Variants in CARF observed in about 807,000 individuals in gnomAD.
CARF encodes calcium-responsive transcription factor.
A neutral mutation model predicts 82.0 loss-of-function variants in CARF; 57 were observed. The observed-to-expected ratio is 0.70, with a 90% CI of 0.56 to 0.87. CARF has a LOEUF of 0.87. CARF is among the 40% of genes least tolerant of loss of function. The pLI is 0.00. For synonymous variants in CARF, 268 were observed against 290.1 expected (o/e 0.92, Z 0.77); for missense variants, 771 against 855.8 (o/e 0.90, Z 1.24).
chr2:202,976,974 C>T (rs1018643595), intron 13 of CARF, among the ~76,000 whole-genome samples: 1 of 152,150 alleles, frequency 6.6e-6, no homozygotes, highest in Non-Finnish European at 1.5e-5. Context: ...CTTCCCAAGC[C>T]TTACGGGCAT....
At chr2:202,976,911 T>C (rs1268203169) in intron 13 of CARF, among the ~76,000 whole-genome samples, 1 of 152,090 alleles carries the variant, frequency 6.6e-6, no homozygotes, top group Admixed American at 6.5e-5. Context: ...AGTCTCACTT[T>C]GTTGCCCAGG....
chr2:202,961,338 T>C lies in CARF; in HGVS notation c.744T>C (p.Arg248=). Residue 248 remains arginine, a synonymous_variant, in exon 9 of 17, where the codon CGT becomes CGC. Coordinates refer to ENST00000438828, the MANE Select transcript of CARF (RefSeq NM_024744.17). ...KQQTQSVWGT[R]QSPSPAKPAT... ...AAACACAGAGTGTTTGGGGGACCCG[T>C]CAGTCTCCAAGCCCAGCCAAGCCTG... 6.2e-7 allele frequency: 1 copy of C among 1,614,184 alleles called. No individual in the cohort carries two copies. Among genetic ancestry groups the C allele is most frequent in the Non-Finnish European group, 8.5e-7 (1 of 1,180,020 alleles).
intron 5 of CARF, among the ~76,000 whole-genome samples, chr2:202,943,587 T>TACACACACACACACACAC (rs754214990): frequency 2.4e-3 from 271 of 115,162 alleles, no homozygotes; most frequent in African/African-American, 4.5e-3. Context: ...TAATGGAATG[T>TACACACACACACACACAC]ACACACACAC....
chr2:202,959,915 ACCTTT>A (rs775092963), intron 8 of CARF, among the ~76,000 whole-genome samples: 29 of 152,208 alleles, frequency 1.9e-4, no homozygotes, highest in Non-Finnish European at 3.1e-4. Flanking sequence ...ATTTATTTAC[ACCTTT>A]CCTTGTTTTA....
intron 9 of CARF, among the ~76,000 whole-genome samples, chr2:202,966,450 C>T (rs2059552767): frequency 6.6e-6 from 1 of 152,160 alleles, no homozygotes. Flanking sequence ...GTGGCTCATG[C>T]CTCTAAATCA....
Position 202,971,755 on chromosome 2 carries a change from T to C in CARF, c.1331+17T>C. The C allele has an allele frequency of 6.4e-7, 1 of 1,574,610 alleles. No homozygotes were observed. Reference sequence around the variant, plus strand: ...ACAGCTAAGGTACAATAGAAGAGCATTGTTCTTTTACATTTTTCAGTTTTG... The same window carrying C: ...ACAGCTAAGGTACAATAGAAGAGCACTGTTCTTTTACATTTTTCAGTTTTG... On this transcript the variant is annotated intron_variant, in intron 12 of 16. Transcript: ENST00000438828.
intron 3 of CARF, among the ~76,000 whole-genome samples, chr2:202,937,636 T>C (rs563347612): frequency 6.6e-6 from 1 of 152,112 alleles, no homozygotes; most frequent in East Asian, 1.9e-4. Context: ...TATTTATTAT[T>C]TTTTTGAGAC....
intron 8 of CARF, among the ~76,000 whole-genome samples, chr2:202,960,711 C>T (rs1015036067): frequency 6.4e-5 from 8 of 124,510 alleles, no homozygotes; most frequent in African/African-American, 2.2e-4. Flanking sequence ...CCCACCTTCC[C>T]GCCTTCCCGC....
chr2:202,968,834 T>C (rs1312050645), intron 10 of CARF, among the ~76,000 whole-genome samples: 1 of 152,166 alleles, frequency 6.6e-6, no homozygotes, highest in Admixed American at 6.5e-5. Context: ...GTGTGAAATA[T>C]ATGATTTAAC....
In CARF at chr2:202,952,449, T is replaced by C. The variant is rs956867618; in HGVS notation, c.307-110T>C. 9.7e-6 allele frequency: 10 copies of C among 1,025,832 alleles called. No individual in the cohort carries two copies. In the African/African-American group the frequency reaches 1.5e-4, roughly 15 times the overall value. The allele number at this position is 1,025,832 out of a possible 1,614,324, so 63.5% of individuals were successfully genotyped here. A position where few individuals can be genotyped will look rare whatever the true frequency, so the allele number is the denominator to read the frequency against. On this transcript the variant is annotated intron_variant, in intron 5 of 16. Transcript: ENST00000438828. ...TTCATCTATAAAATGGGGGAAATCATAGAATCCATCATAGAGCTAGGTATG... is the reference window on the plus strand; with the variant it reads ...TTCATCTATAAAATGGGGGAAATCACAGAATCCATCATAGAGCTAGGTATG...
chr2:202,937,976 A>T (rs1694222029), intron 3 of CARF, among the ~76,000 whole-genome samples: 1 of 151,918 alleles, frequency 6.6e-6, no homozygotes. Context: ...GTAGATATTT[A>T]TGGGGTACAT....
At chr2:202,968,882 C>A (rs1279570760) in intron 10 of CARF, among the ~76,000 whole-genome samples, 4 of 152,122 alleles carry the variant, frequency 2.6e-5, no homozygotes, top group Non-Finnish European at 5.9e-5. Flanking sequence ...TATATCCATA[C>A]AAATTCATGG....
chr2:202,915,226 G>A (rs1347623896), intron 1 of CARF, among the ~76,000 whole-genome samples: 2 of 151,588 alleles, frequency 1.3e-5, no homozygotes, highest in South Asian at 2.1e-4. Context: ...CATGTTGGCC[G>A]GGATGGTCTC....
intron 5 of CARF, among the ~76,000 whole-genome samples, chr2:202,949,265 C>T (rs1359928652): frequency 6.6e-6 from 1 of 150,450 alleles, no homozygotes; most frequent in African/African-American, 2.4e-5. Context: ...ACCCAGGAGG[C>T]AGAGGTTGTG....
At chr2:202,965,766 C>T (rs1360327363) in intron 9 of CARF, among the ~76,000 whole-genome samples, 1 of 151,972 alleles carries the variant, frequency 6.6e-6, no homozygotes, top group Non-Finnish European at 1.5e-5. Flanking sequence ...TTTGTTGTAT[C>T]CTACAGTAGT....
chr2:202,937,168 C>T (rs998382358), intron 3 of CARF, among the ~76,000 whole-genome samples: 1 of 152,136 alleles, frequency 6.6e-6, no homozygotes, highest in Non-Finnish European at 1.5e-5. Flanking sequence ...TCCCTCTGAG[C>T]ACTGCTTTTT....
rs34601113 is a variant in CARF, at chr2:202,954,117, CA to C, written c.545del (p.Lys182SerfsTer3). ...LHPQTSFPLPKKSVTGMLEEP... is the reference protein window; with the variant it reads ...LHPQTSFPLPXKSVTGMLEEP... ...ATCCTCAAACATCCTTCCCATTGCC[CA>C]AAAAGTCAGTGACCGGGTGAGTCCA... On this transcript the variant is annotated frameshift_variant, in exon 7 of 17. Transcript: ENST00000438828. LOFTEE classifies it high-confidence loss of function. The C allele has an allele frequency of 6.2e-7, 1 of 1,612,662 alleles. No individual in the cohort carries two copies. Among genetic ancestry groups the C allele is most frequent in the African/African-American group, 1.3e-5 (1 of 74,942 alleles).
intron 13 of CARF, among the ~76,000 whole-genome samples, chr2:202,975,170 G>A (rs1281714642): frequency 6.6e-6 from 1 of 151,676 alleles, no homozygotes; most frequent in East Asian, 1.9e-4. Flanking sequence ...AAATAGCTGG[G>A]TGTGGCCGGG....
At chr2:202,946,574 C>G (rs569936790) in intron 5 of CARF, among the ~76,000 whole-genome samples, 1 of 152,182 alleles carries the variant, frequency 6.6e-6, no homozygotes. Flanking sequence ...CAATGCCATT[C>G]AGGACATAGG....
Sources: gnomAD v4.1 joint callset for allele counts (sites outside exome capture counted in the v4.1 genomes callset) on GRCh38, gnomAD v4.1.1 for gene constraint, MANE v1.5 for transcripts, NCBI Gene and HGNC (gene_info 2026-07-23, HGNC 2026-07-21) for gene names.